Variants in POMK observed in about 807,000 individuals in gnomAD.
POMK encodes protein O-mannose kinase.
Under a neutral mutation model 23.0 loss-of-function variants are expected in POMK, and 19 were observed. That is an observed-to-expected ratio of 0.83 (90% CI 0.58 to 1.21). The LOEUF is 1.21. Among genes scored for constraint, POMK ranks in the 50% most tolerant of loss-of-function variants. The pLI is 0.00. For missense variants in POMK, 410 were observed against 431.3 expected, an observed-to-expected ratio of 0.95 and a Z score of 0.44; for synonymous variants, 173 against 171.6, an observed-to-expected ratio of 1.01 and a Z score of -0.06.
At chr8:43,106,674 T>C (rs1274484918) in intron 4 of POMK, among the ~76,000 whole-genome samples, 1 of 152,056 alleles carries the variant, frequency 6.6e-6, no homozygotes, top group East Asian at 1.9e-4. Context: ...CATGCCTGTA[T>C]TTTTAGTAAA....
At position 43,122,551 on chromosome 8, in the gene POMK, A is replaced by G; in HGVS notation, c.727A>G (p.Lys243Glu). The G allele has an allele frequency of 6.2e-7, 1 of 1,614,198 alleles. No homozygotes were observed. Among genetic ancestry groups the G allele is most frequent in the East Asian group, 2.2e-5 (1 of 44,884 alleles). The change falls in exon 5 of 5, where the codon AAG (lysine) becomes GAG (glutamate). Residue 243 changes from lysine (K) to glutamate (E), a missense_variant. By Grantham distance (56) the Lys-to-Glu change is moderately conservative (BLOSUM62 1). Coordinates refer to ENST00000331373, the MANE Select transcript of POMK (RefSeq NM_032237.5). ...LVNHSSGMLVKCGHRELHGDF... is the reference protein window; with the variant it reads ...LVNHSSGMLVECGHRELHGDF... ...GAACCACAGCTCCGGGATGCTGGTG[A>G]AGTGCGGCCACAGGGAGCTGCATGG...
At chr8:43,099,778 G>T (rs1054819395) in intron 2 of POMK, among the ~76,000 whole-genome samples, 71 of 152,296 alleles carry the variant, frequency 4.7e-4, no homozygotes, top group African/African-American at 1.6e-3. Context: ...GTAGTAATAG[G>T]AGAGTGCAGG....
rs1811359672 is a variant in POMK, at chr8:43,097,566, AAG to A, written c.-162_-161del. The stretch of plus-strand genomic sequence containing the variant: ...CTGTGTAATCCTGAGAATGGACTGC[AAG>A]AGAGGAAAAACTGGGCGTCTGCTTG... On this transcript the variant is annotated 5_prime_UTR_variant, in exon 2 of 5. An upstream open reading frame in the 5' UTR loses its in-frame stop. Transcript: ENST00000331373. 6.6e-6 allele frequency: 1 copy of A among 152,186 alleles called. No individual in the cohort carries two copies. The highest frequency in any genetic ancestry group is 6.5e-5 in the Admixed American group (1 of 15,272). 9.4% of individuals were successfully genotyped at this position (152,186 alleles called of 1,614,324 possible). A position where few individuals can be genotyped will look rare whatever the true frequency, so the allele number is the denominator to read the frequency against.
chr8:43,093,754 C>G (rs937520880), intron 1 of POMK, among the ~76,000 whole-genome samples, 191 bp downstream of exon 1: 1 of 152,250 alleles, frequency 6.6e-6, no homozygotes, highest in Admixed American at 6.5e-5. Context: ...CAGCCCCTAT[C>G]TCCGCGTCCA....
chr8:43,095,921 T>C (rs1811324753), intron 1 of POMK, among the ~76,000 whole-genome samples: 2 of 151,888 alleles, frequency 1.3e-5, no homozygotes, highest in Admixed American at 1.3e-4. Flanking sequence ...GAAACTTGGA[T>C]TGGAGAAGGA....
chr8:43,112,591 C>G (rs1190104224), intron 4 of POMK, among the ~76,000 whole-genome samples: 4 of 152,066 alleles, frequency 2.6e-5, no homozygotes, highest in Non-Finnish European at 5.9e-5. Flanking sequence ...TCGAGAAGAG[C>G]AACTCCAAGA....
intron 4 of POMK, among the ~76,000 whole-genome samples, chr8:43,115,342 A>C (rs35252795): frequency 0.14 from 20,578 of 152,062 alleles, 1,954 homozygotes; most frequent in African/African-American, 0.27. Context: ...AGTTTTCTAT[A>C]CAGCTGCCTA....
intron 4 of POMK, among the ~76,000 whole-genome samples, chr8:43,107,010 G>A (rs1040083606): frequency 6.6e-6 from 1 of 152,094 alleles, no homozygotes; most frequent in Admixed American, 6.5e-5. Context: ...CATGCAGGCC[G>A]GGCTGTGGTT....
At chr8:43,116,329 G>A (rs966039171) in intron 4 of POMK, among the ~76,000 whole-genome samples, 2 of 152,186 alleles carry the variant, frequency 1.3e-5, no homozygotes, top group African/African-American at 4.8e-5. Context: ...CTGGAGTGCA[G>A]TGGTGCGATC....
intron 4 of POMK, among the ~76,000 whole-genome samples, chr8:43,119,062 C>T (rs528584775): frequency 3.9e-5 from 6 of 152,288 alleles, no homozygotes; most frequent in South Asian, 2.1e-4. Flanking sequence ...CCACCCGCCT[C>T]GGCCTCTTGA....
At chr8:43,100,677 A>G (rs1811421905) in intron 2 of POMK, among the ~76,000 whole-genome samples, 1 of 151,950 alleles carries the variant, frequency 6.6e-6, no homozygotes, top group African/African-American at 2.4e-5. Flanking sequence ...GTGCATGCTA[A>G]TGGAACAGAG....
chr8:43,096,783 A>G (rs1811344126), intron 1 of POMK, among the ~76,000 whole-genome samples: 1 of 152,256 alleles, frequency 6.6e-6, no homozygotes, highest in African/African-American at 2.4e-5. Flanking sequence ...TGGAAAAGTC[A>G]AACCAGTTGA....
chr8:43,111,519 A>T (rs949319658), intron 4 of POMK, among the ~76,000 whole-genome samples: 2 of 152,240 alleles, frequency 1.3e-5, no homozygotes, highest in Non-Finnish European at 2.9e-5. Context: ...AACAAAAGAC[A>T]GTAATAACCT....
At chr8:43,099,316 A>G (rs527667622) in intron 2 of POMK, among the ~76,000 whole-genome samples, 1 of 152,132 alleles carries the variant, frequency 6.6e-6, no homozygotes, top group Non-Finnish European at 1.5e-5. Context: ...AGACATCCAC[A>G]TGGAGATGTC....
intron 2 of POMK, among the ~76,000 whole-genome samples, chr8:43,101,419 A>C (rs1336637221): frequency 7.2e-6 from 1 of 138,388 alleles, no homozygotes; most frequent in Admixed American, 7.2e-5. Context: ...CCCTATGTCA[A>C]AAAAAAAAAA....
intron 1 of POMK, among the ~76,000 whole-genome samples, chr8:43,094,464 C>T (rs1444225413): frequency 2.0e-5 from 3 of 152,206 alleles, no homozygotes; most frequent in African/African-American, 7.2e-5. Flanking sequence ...TGCACGAGAT[C>T]ATTGTTGCCA....
chr8:43,122,898 G>T lies in POMK; in HGVS notation c.*21G>T, dbSNP rs1246408645. 6.3e-7 allele frequency: 1 copy of T among 1,581,892 alleles called. No individual in the cohort carries two copies. Among genetic ancestry groups the T allele is most frequent in the Admixed American group, 1.7e-5 (1 of 57,200 alleles). On this transcript the variant is annotated 3_prime_UTR_variant, in exon 5 of 5. Coordinates refer to ENST00000331373, the MANE Select transcript of POMK (RefSeq NM_032237.5). Reference sequence around the variant, plus strand: ...TGTGAAAACCAGTCCAGCCAATGAAGGTGGGATTGAAGGGCTGAATGGAAG... The same window carrying T: ...TGTGAAAACCAGTCCAGCCAATGAATGTGGGATTGAAGGGCTGAATGGAAG...
intron 2 of POMK, among the ~76,000 whole-genome samples, chr8:43,099,823 C>A (rs1406809923): frequency 6.6e-6 from 1 of 152,158 alleles, no homozygotes; most frequent in Non-Finnish European, 1.5e-5. Context: ...GGTGGAAATG[C>A]TCTCTGATTG....
intron 4 of POMK, among the ~76,000 whole-genome samples, chr8:43,107,418 A>G (rs908652033): frequency 2.6e-5 from 4 of 152,130 alleles, no homozygotes; most frequent in Non-Finnish European, 4.4e-5. Context: ...TCTGTCGCCC[A>G]GGCTGGAGTG....
Sources: gnomAD v4.1 joint callset for allele counts (sites outside exome capture counted in the v4.1 genomes callset) on GRCh38, gnomAD v4.1.1 for gene constraint, MANE v1.5 for transcripts, NCBI Gene and HGNC (gene_info 2026-07-23, HGNC 2026-07-21) for gene names.